The following EPM2A variants were observed in gnomAD, a reference collection of about 807,000 sequenced individuals.
EPM2A encodes EPM2A glucan phosphatase, laforin, also known as laforin.
In EPM2A, 21 loss-of-function variants were observed where a neutral mutation model predicts 26.5. That is an observed-to-expected ratio of 0.79 (90% CI 0.56 to 1.14). The LOEUF is 1.14. Ranked by LOEUF, EPM2A falls within the 50% of genes most tolerant of loss-of-function variation. The pLI, the probability that EPM2A is intolerant of heterozygous loss-of-function variation, is 0.00. For missense variants in EPM2A, 458 were observed against 440.8 expected, an observed-to-expected ratio of 1.04 and a Z score of -0.35; for synonymous variants, 217 against 177.6, an observed-to-expected ratio of 1.22 and a Z score of -1.76.
intron 2 of EPM2A, among the ~76,000 whole-genome samples, chr6:145,672,744 G>A (rs1423631427): frequency 1.3e-5 from 2 of 152,228 alleles, no homozygotes; most frequent in East Asian, 1.9e-4. Flanking sequence ...AGTGTATTAT[G>A]TACATTGGAA....
At chr6:145,617,548 A>G (rs999303758) in intron 2 of EPM2A, among the ~76,000 whole-genome samples, 4 of 152,250 alleles carry the variant, frequency 2.6e-5, no homozygotes, top group Non-Finnish European at 5.9e-5. Flanking sequence ...GAAGATACTG[A>G]TAGTACTTTC....
At chr6:145,386,527 T>G (rs1778264247) in intron 4 of EPM2A, among the ~76,000 whole-genome samples, 1 of 152,144 alleles carries the variant, frequency 6.6e-6, no homozygotes, top group Admixed American at 6.6e-5. Context: ...CATTGGGAGT[T>G]TGACCTGTTA....
intron 2 of EPM2A, among the ~76,000 whole-genome samples, chr6:145,649,406 T>C (rs1777714399): frequency 6.6e-6 from 1 of 152,236 alleles, no homozygotes; most frequent in Non-Finnish European, 1.5e-5. Flanking sequence ...TAGCAAGCAG[T>C]ATTAAAGCAT....
chr6:145,387,241 G>A (rs186891293), intron 4 of EPM2A, among the ~76,000 whole-genome samples: 7 of 152,166 alleles, frequency 4.6e-5, no homozygotes, highest in African/African-American at 7.2e-5. Context: ...TCAAGAAAAC[G>A]CCTACACACT....
At chr6:145,517,535 A>T (rs73562651) in intron 2 of EPM2A, among the ~76,000 whole-genome samples, 1,701 of 152,278 alleles carry the variant, frequency 0.011, 26 homozygotes, top group African/African-American at 0.039. Context: ...TTACTTTCAT[A>T]TGACCCATTA....
chr6:145,473,129 T>C (rs150949027), intron 4 of EPM2A, among the ~76,000 whole-genome samples: 33 of 151,984 alleles, frequency 2.2e-4, no homozygotes, highest in African/African-American at 8.0e-4. Context: ...AGTAACTGTG[T>C]CGAGGAAACT....
intron 2 of EPM2A, among the ~76,000 whole-genome samples, chr6:145,509,044 A>C (rs1356604748): frequency 6.6e-6 from 1 of 152,184 alleles, no homozygotes; most frequent in Non-Finnish European, 1.5e-5. Flanking sequence ...ATGAAGAAAA[A>C]ATTATTTTTA....
At chr6:145,664,800 T>G (rs1779036125) in intron 2 of EPM2A, among the ~76,000 whole-genome samples, 1 of 151,732 alleles carries the variant, frequency 6.6e-6, no homozygotes, top group South Asian at 2.1e-4. Flanking sequence ...GAACAGAAAT[T>G]ATAACAAACT....
At chr6:145,472,875 C>T (rs1420385737) in intron 4 of EPM2A, among the ~76,000 whole-genome samples, 1 of 152,122 alleles carries the variant, frequency 6.6e-6, no homozygotes, top group Admixed American at 6.6e-5. Context: ...CTGCTTAGAT[C>T]ACAACACTCA....
rs567882425 is a variant in EPM2A at position 145,576,296 on chromosome 6, C to G, written c.340+58949G>C. On this transcript the variant is annotated intron_variant, in intron 2 of 3. Coordinates refer to the EPM2A transcript ENST00000450221. ...TCAAAAATTTCTGAAAAATGCTGCT[C>G]TCCGCTGTTGCACACTTTATTTCCT... Among the ~76,000 whole-genome samples the G allele has an allele frequency of 1.3e-3, 205 of 152,300 alleles. 1 individual carries two copies. Among genetic ancestry groups the G allele is most frequent in the African/African-American group, 4.3e-3 (180 of 41,576 alleles).
Position 145,732,236 on chromosome 6 carries a change from T to TGTGCGC in EPM2A, c.301+2961_301+2962insGCGCAC, listed in dbSNP as rs374032616. Among the ~76,000 whole-genome samples the TGTGCGC allele has an allele frequency of 6.3e-3, 838 of 132,208 alleles. 8 individuals are homozygous for TGTGCGC. Among genetic ancestry groups the TGTGCGC allele is most frequent in the East Asian group, 0.034 (157 of 4,604 alleles). The allele number at this position is 132,208 out of a possible 152,430, so 86.7% of individuals were successfully genotyped here. On this transcript the variant is annotated intron_variant, in intron 1 of 3. Coordinates refer to ENST00000367519, the MANE Select transcript of EPM2A (RefSeq NM_005670.4). Reference sequence around the variant, plus strand: ...GTGTGTGTGTGTGTGTGTGTGTGTGTGCGCGCCAAAGTAAGGAAGGGAGAG... The same window carrying TGTGCGC: ...GTGTGTGTGTGTGTGTGTGTGTGTGTGTGCGCGCGCGCCAAAGTAAGGAAGGGAGAG...
intron 4 of EPM2A, among the ~76,000 whole-genome samples, chr6:145,392,436 C>T (rs1425813604): frequency 6.6e-6 from 1 of 152,160 alleles, no homozygotes; most frequent in Non-Finnish European, 1.5e-5. Context: ...CCTTCTACTG[C>T]TCCTTTAATG....
chr6:145,685,472 T>C (rs1312336951), intron 2 of EPM2A, among the ~76,000 whole-genome samples: 2 of 152,086 alleles, frequency 1.3e-5, no homozygotes, highest in Non-Finnish European at 2.9e-5. Flanking sequence ...AATAGCTATT[T>C]TTAAACTGGT....
intron 2 of EPM2A, among the ~76,000 whole-genome samples, chr6:145,577,416 G>T (rs1781046947): frequency 6.7e-6 from 1 of 149,444 alleles, no homozygotes. Context: ...AGATAAAATA[G>T]ATTTCAAGAC....
rs558524890 is a variant in EPM2A, at chr6:145,472,312, T to C, written c.555+30210A>G. On this transcript the variant is annotated intron_variant, in intron 4 of 4. Coordinates refer to the EPM2A transcript ENST00000638717. Reference sequence around the variant, plus strand: ...GGTGAGCCCCTGAGACTTGCTGGCTTCAGGTGAGACTCAGCAAATAATCAG... The same window carrying C: ...GGTGAGCCCCTGAGACTTGCTGGCTCCAGGTGAGACTCAGCAAATAATCAG... Among the ~76,000 whole-genome samples, 12 of 151,878 alleles carry C rather than the reference T, an allele frequency of 7.9e-5. 1 individual carries two copies. The South Asian group carries it at 2.5e-3, about 32-fold the overall frequency.
intron 2 of EPM2A, among the ~76,000 whole-genome samples, chr6:145,570,521 C>T (rs141637100): frequency 6.6e-6 from 1 of 152,190 alleles, no homozygotes; most frequent in Non-Finnish European, 1.5e-5. Flanking sequence ...CATGCACAAA[C>T]ATGTTTTTAA....
intron 2 of EPM2A, among the ~76,000 whole-genome samples, chr6:145,597,049 C>T (rs1225270921): frequency 6.6e-6 from 1 of 151,230 alleles, no homozygotes; most frequent in Non-Finnish European, 1.5e-5. Context: ...CGCCCGCCAC[C>T]GCGCCTGGCT....
In EPM2A at chr6:145,559,390, G is replaced by C. The variant is rs537948030; in HGVS notation, c.341-56815C>G. Among the ~76,000 whole-genome samples, 4 of 152,182 alleles carry C rather than the reference G, an allele frequency of 2.6e-5. No individual in the cohort carries two copies. In the South Asian group the frequency reaches 8.3e-4, roughly 32 times the overall value. On this transcript the variant is annotated intron_variant, in intron 2 of 3. Transcript: ENST00000450221. ...ATCCTAGTTTTCACTTCTTGACTAT[G>C]TGATTTTGGCCAATTTCCTTTCTTA...
At chr6:145,461,921 G>A (rs1243007943) in intron 4 of EPM2A, among the ~76,000 whole-genome samples, 3 of 152,168 alleles carry the variant, frequency 2.0e-5, no homozygotes, top group Non-Finnish European at 4.4e-5. Context: ...CAGGATATGG[G>A]CGTGTAAAGG....
Sources: gnomAD v4.1 joint callset for allele counts (sites outside exome capture counted in the v4.1 genomes callset) on GRCh38, gnomAD v4.1.1 for gene constraint, MANE v1.5 for transcripts, NCBI Gene and HGNC (gene_info 2026-07-23, HGNC 2026-07-21) for gene names.